MYT1L: variants seen among roughly 807,000 people sequenced by gnomAD.
MYT1L encodes myelin transcription factor 1 like, also known as myelin transcription factor 1-like protein.
In MYT1L, 12 loss-of-function variants were observed where a neutral mutation model predicts 126.7. The ratio of observed to expected loss-of-function variants is 0.09; its 90% CI spans 0.06 to 0.15. MYT1L has a LOEUF of 0.15. MYT1L is among the 10% of genes least tolerant of loss of function. The pLI, the probability that MYT1L is intolerant of heterozygous loss-of-function variation, is 1.00. For missense variants in MYT1L, 979 were observed against 1,585.2 expected, an observed-to-expected ratio of 0.62 and a Z score of 6.49; for synonymous variants, 541 against 604.2, an observed-to-expected ratio of 0.90 and a Z score of 1.53.
intron 4 of MYT1L, among the ~76,000 whole-genome samples, chr2:2,029,538 C>T (rs966400231): frequency 6.6e-6 from 1 of 152,190 alleles, no homozygotes; most frequent in African/African-American, 2.4e-5. Flanking sequence ...CCACCTGGTC[C>T]CACCCTTGAC....
intron 3 of MYT1L, among the ~76,000 whole-genome samples, chr2:2,122,872 T>TGTGTGTGTGTGTGAGAGAGA (rs553951630): frequency 7.5e-6 from 1 of 132,992 alleles, no homozygotes; most frequent in African/African-American, 3.0e-5. Flanking sequence ...TGTGTGTGTG[T>TGTGTGTGTGTGTGAGAGAGA]GAGAGAGAGA....
intron 3 of MYT1L, among the ~76,000 whole-genome samples, chr2:2,079,714 A>T (rs2075613411): frequency 6.6e-6 from 1 of 152,056 alleles, no homozygotes; most frequent in African/African-American, 2.4e-5. Context: ...GGCTGAGGCC[A>T]GAGAATGGCG....
At chr2:2,217,684 ACAACAACAAC>A (rs2093718123) in intron 2 of MYT1L, among the ~76,000 whole-genome samples, 2 of 113,934 alleles carry the variant, frequency 1.8e-5, no homozygotes, top group African/African-American at 4.2e-5. Flanking sequence ...AACAACAACA[ACAACAACAAC>A]AACAACAACA....
chr2:1,855,725 G>C (rs2043831660), intron 18 of MYT1L, among the ~76,000 whole-genome samples: 1 of 152,122 alleles, frequency 6.6e-6, no homozygotes, highest in Admixed American at 6.6e-5. Context: ...AAAAACAACT[G>C]GAGAAAGAAG....
chr2:1,974,269 G>A (rs1242458508), intron 8 of MYT1L: 1 of 152,194 alleles, frequency 6.6e-6, no homozygotes, highest in Non-Finnish European at 1.5e-5. Flanking sequence ...CTCTGAGTGT[G>A]GTGTGGGGAA....
At chr2:1,875,775 G>A (rs1159056913) in intron 18 of MYT1L, among the ~76,000 whole-genome samples, 1 of 152,182 alleles carries the variant, frequency 6.6e-6, no homozygotes, top group Non-Finnish European at 1.5e-5. Context: ...TTGACCTAGT[G>A]ATGCCACACC....
In MYT1L at chr2:2,092,307, G is replaced by GC. The variant is rs897073124; in HGVS notation, c.-303-38185_-303-38184insG. Reference sequence around the variant, plus strand: ...AGGGAATAGGGAGGTCAGTTTAGAAGGGGGAGATAGAAGAATGACTGGCGG... The same window carrying GC: ...AGGGAATAGGGAGGTCAGTTTAGAAGCGGGGAGATAGAAGAATGACTGGCGG... On this transcript the variant is annotated intron_variant, in intron 3 of 24. Coordinates refer to ENST00000647738, the MANE Select transcript of MYT1L (RefSeq NM_001303052.2). 2.1e-4 allele frequency among the ~76,000 whole-genome samples: 6 copies of GC among 28,436 alleles called. No individual in the cohort carries two copies. In the African/African-American group the frequency reaches 4.4e-3, roughly 21 times the overall value. 18.7% of individuals were successfully genotyped at this position (28,436 alleles called of 152,430 possible).
At chr2:1,819,380 C>T (rs919313786) in intron 21 of MYT1L, among the ~76,000 whole-genome samples, 10 of 152,228 alleles carry the variant, frequency 6.6e-5, no homozygotes, top group Non-Finnish European at 1.2e-4. Context: ...TTATCACATG[C>T]TGGCATGCTC....
At chr2:2,155,434 T>G (rs1252142118) in intron 3 of MYT1L, among the ~76,000 whole-genome samples, 1 of 152,202 alleles carries the variant, frequency 6.6e-6, no homozygotes, top group Non-Finnish European at 1.5e-5. Context: ...TATTAACACC[T>G]ATAATTTCCT....
chr2:2,062,211 C>T (rs2070618063), intron 3 of MYT1L, among the ~76,000 whole-genome samples: 1 of 152,236 alleles, frequency 6.6e-6, no homozygotes, highest in African/African-American at 2.4e-5. Context: ...AGATGAACCA[C>T]ACATTAATAC....
chr2:1,969,299 C>T (rs573358929), intron 8 of MYT1L, among the ~76,000 whole-genome samples: 8 of 152,328 alleles, frequency 5.3e-5, no homozygotes, highest in Admixed American at 5.2e-4. Flanking sequence ...AGGCAGAATG[C>T]GTGCTGGTCT....
chr2:2,197,189 T>C (rs2092836660), intron 2 of MYT1L, among the ~76,000 whole-genome samples: 1 of 152,206 alleles, frequency 6.6e-6, no homozygotes, highest in Non-Finnish European at 1.5e-5. Context: ...ATATCTAGTC[T>C]GAATTGTTTG....
Position 2,224,895 on chromosome 2 carries a change from G to C in MYT1L, c.-420-51907C>G, listed in dbSNP as rs957796584. Among the ~76,000 whole-genome samples the C allele has an allele frequency of 5.3e-5, 8 of 152,018 alleles. No individual in the cohort carries two copies. Among genetic ancestry groups the C allele is most frequent in the African/African-American group, 1.9e-4 (8 of 41,408 alleles). ...CTTAACCAGGGCTAGCCTTATGCTT[G>C]TGTGCTGGGCAGTCATACGCTGGGT... is the stretch of plus-strand genomic sequence containing the variant. On this transcript the variant is annotated intron_variant, in intron 2 of 24. Coordinates refer to ENST00000647738, the MANE Select transcript of MYT1L (RefSeq NM_001303052.2). This position sits in a 1 kb window ranked among gnomAD's most constrained non-coding sequence, Gnocchi z 4.0.
At chr2:1,830,912 CGCATGCACCT>C (rs1173643681) in intron 21 of MYT1L, among the ~76,000 whole-genome samples, 1 of 152,188 alleles carries the variant, frequency 6.6e-6, no homozygotes, top group African/African-American at 2.4e-5. Context: ...CTGCACCTCC[CGCATGCACCT>C]GCATGTCAAT....
chr2:2,221,859 A>T (rs2093883273), intron 2 of MYT1L, among the ~76,000 whole-genome samples: 1 of 152,230 alleles, frequency 6.6e-6, no homozygotes, highest in African/African-American at 2.4e-5. Flanking sequence ...AGAGATCTAC[A>T]GACAAATTAT....
At chr2:1,969,139 C>T (rs1277713272) in intron 8 of MYT1L, among the ~76,000 whole-genome samples, 1 of 152,238 alleles carries the variant, frequency 6.6e-6, no homozygotes, top group African/African-American at 2.4e-5. Context: ...TTAGAAATCA[C>T]CCTCCAGCAC....
chr2:2,224,247 C>A lies in MYT1L; in HGVS notation c.-420-51259G>T, dbSNP rs1247641857. Among the ~76,000 whole-genome samples, 2 of 152,078 alleles carry A rather than the reference C, an allele frequency of 1.3e-5. No individual in the cohort carries two copies. Among genetic ancestry groups the A allele is most frequent in the African/African-American group, 4.8e-5 (2 of 41,414 alleles). On this transcript the variant is annotated intron_variant, in intron 2 of 24. Coordinates refer to ENST00000647738, the MANE Select transcript of MYT1L (RefSeq NM_001303052.2). This position sits in a 1 kb window ranked among gnomAD's most constrained non-coding sequence, Gnocchi z 4.0. ...TGGCCCCTCCTTGCCCATCTGAGAG[C>A]CCATTGTGCACTCCCTCATTTAAAA...
chr2:2,042,887 T>C (rs895645137), intron 4 of MYT1L, among the ~76,000 whole-genome samples: 8 of 152,118 alleles, frequency 5.3e-5, no homozygotes, highest in South Asian at 4.2e-4. Context: ...CCTCTGCCCT[T>C]CCCCCCTGCT....
intron 5 of MYT1L, among the ~76,000 whole-genome samples, chr2:1,991,257 T>C (rs1364804075): frequency 1.3e-5 from 2 of 152,100 alleles, no homozygotes; most frequent in Non-Finnish European, 2.9e-5. Flanking sequence ...CACCTACGCT[T>C]CCACATCAGC....
Sources: allele counts gnomAD v4.1 joint callset (sites outside exome capture counted in the v4.1 genomes callset), GRCh38; gene constraint gnomAD v4.1.1; non-coding constraint Gnocchi (gnomAD v3.1); transcripts MANE v1.5; gene names NCBI Gene and HGNC (gene_info 2026-07-23, HGNC 2026-07-21).